Variants in PDE3A observed in about 807,000 individuals in gnomAD.
PDE3A encodes the protein cGMP-inhibited 3',5'-cyclic phosphodiesterase 3A.
Under a neutral mutation model 98.3 loss-of-function variants are expected in PDE3A, and 43 were observed. That is an observed-to-expected ratio of 0.44 (90% CI 0.34 to 0.56). The LOEUF is 0.56. Ranked by LOEUF, PDE3A falls within the 20% of genes least tolerant of loss-of-function variation. The probability of loss-of-function intolerance (pLI) is 0.01; values close to 1 mark genes in which losing one functional copy is unlikely to be tolerated. For missense variants in PDE3A, 1,427 were observed against 1,440.7 expected (o/e 0.99, Z 0.15); for synonymous variants, 663 against 567.9 (o/e 1.17, Z -2.38).
intron 1 of PDE3A, among the ~76,000 whole-genome samples, chr12:20,477,823 C>T (rs918780685): frequency 6.6e-6 from 1 of 152,128 alleles, no homozygotes; most frequent in African/African-American, 2.4e-5. Flanking sequence ...AACCTGGCCT[C>T]GTAGCCCATG....
intron 1 of PDE3A, among the ~76,000 whole-genome samples, chr12:20,400,312 A>C (rs991765098): frequency 1.4e-4 from 21 of 150,424 alleles, no homozygotes; most frequent in Non-Finnish European, 2.5e-4. Flanking sequence ...ACAGCCAGAC[A>C]CTGATGAGGG....
intron 1 of PDE3A, among the ~76,000 whole-genome samples, chr12:20,462,251 G>T (rs1242996551): frequency 6.6e-6 from 1 of 152,158 alleles, no homozygotes; most frequent in Non-Finnish European, 1.5e-5. Context: ...AGCACTTTGG[G>T]AGGCTAAGAT....
chr12:20,429,361 A>G (rs1174119857), intron 1 of PDE3A, among the ~76,000 whole-genome samples: 1 of 151,976 alleles, frequency 6.6e-6, no homozygotes. Flanking sequence ...GTGTTTTCTT[A>G]TTATTAACCC....
chr12:20,384,185 T>G (rs1361055570), intron 1 of PDE3A, among the ~76,000 whole-genome samples: 2 of 19,924 alleles, frequency 1.0e-4, no homozygotes, highest in Admixed American at 6.2e-4. Context: ...TGGGTTGACA[T>G]TTTTTTTTTT....
chr12:20,579,400 T>C (rs1449004804), intron 2 of PDE3A, among the ~76,000 whole-genome samples: 2 of 8,656 alleles, frequency 2.3e-4, no homozygotes, highest in Non-Finnish European at 3.6e-4. Context: ...TCTGTTCCCT[T>C]TTTTTTTTAT....
rs146659677 is a variant in PDE3A at position 20,630,080 on chromosome 12, C to A, written c.1713C>A (p.Ala571=). 6.2e-7 allele frequency: 1 copy of A among 1,613,680 alleles called. No homozygotes were observed. Among genetic ancestry groups the A allele is most frequent in the East Asian group, 2.2e-5 (1 of 44,874 alleles). The change falls in exon 6 of 16, where the codon GCC becomes GCA. Residue 571 remains alanine (A), a synonymous_variant. Coordinates refer to ENST00000359062, the MANE Select transcript of PDE3A (RefSeq NM_000921.5). ...GGGCCTTAACTTACACTCAGAGTGC[C>A]CCAGACCTATCCCCTCAAATCCTGA... ...SHRALTYTQS[A]PDLSPQILTP...
chr12:20,600,492 G>C (rs61037122), intron 2 of PDE3A, among the ~76,000 whole-genome samples: 27 of 152,068 alleles, frequency 1.8e-4, no homozygotes. Context: ...GACCTCTCCA[G>C]TGTCAACCTT....
intron 1 of PDE3A, among the ~76,000 whole-genome samples, chr12:20,429,985 A>G (rs1189281060): frequency 2.0e-5 from 3 of 152,080 alleles, no homozygotes; most frequent in Non-Finnish European, 2.9e-5. Flanking sequence ...TTCTTTGTGT[A>G]TGTTTTCAAA....
chr12:20,449,947 G>A (rs1021189289), intron 1 of PDE3A: 4 of 786,524 alleles, frequency 5.1e-6, no homozygotes, highest in Admixed American at 2.4e-5. Context: ...GATTCTGAAG[G>A]CCCCCTTATA....
At chr12:20,423,546 G>A (rs975996507) in intron 1 of PDE3A, among the ~76,000 whole-genome samples, 1 of 152,194 alleles carries the variant, frequency 6.6e-6, no homozygotes, top group Non-Finnish European at 1.5e-5. Flanking sequence ...GACAAACAAA[G>A]GTGTTCCTTC....
At chr12:20,410,394 A>G (rs545810019) in intron 1 of PDE3A, among the ~76,000 whole-genome samples, 2 of 152,314 alleles carry the variant, frequency 1.3e-5, no homozygotes, top group Admixed American at 6.5e-5. Context: ...GAGAAAGTCA[A>G]TTCACAGAGA....
At chr12:20,372,228 T>C (rs1943488314) in intron 1 of PDE3A, among the ~76,000 whole-genome samples, 1 of 152,174 alleles carries the variant, frequency 6.6e-6, no homozygotes, top group Non-Finnish European at 1.5e-5. Context: ...TTTTGCTGAT[T>C]AATGCTGTTG....
intron 2 of PDE3A, among the ~76,000 whole-genome samples, chr12:20,603,092 A>G (rs1480875930): frequency 6.6e-6 from 1 of 152,216 alleles, no homozygotes; most frequent in Non-Finnish European, 1.5e-5. Flanking sequence ...GAGATGTAGG[A>G]GGAGACAGCT....
intron 1 of PDE3A, among the ~76,000 whole-genome samples, chr12:20,500,660 T>A (rs1946006316): frequency 6.6e-6 from 1 of 152,152 alleles, no homozygotes; most frequent in Admixed American, 6.5e-5. Context: ...TTTAATCAAA[T>A]ATGTTCCTCA....
At position 20,687,228 on chromosome 12, in the gene PDE3A, T is replaced by C. The variant is rs1428473556; in HGVS notation, c.*6957T>C. Among the ~76,000 whole-genome samples the C allele has an allele frequency of 2.6e-5, 4 of 152,138 alleles. No homozygotes were observed. The highest frequency in any genetic ancestry group is 9.6e-5 in the African/African-American group (4 of 41,470). On this transcript the variant is annotated 3_prime_UTR_variant, in exon 16 of 16. Transcript: ENST00000359062. ...AAGTGTTGGTTCATAGCAGTTTCCT[T>C]GTCCCTTTTCTTTTTAAAATTCCCA...
intron 2 of PDE3A, among the ~76,000 whole-genome samples, chr12:20,566,264 C>T (rs1280348574): frequency 6.6e-6 from 1 of 151,252 alleles, no homozygotes; most frequent in Non-Finnish European, 1.5e-5. Flanking sequence ...TCTTGGAAAA[C>T]TCTTAAGTGT....
chr12:20,558,841 A>G (rs1367564221), intron 2 of PDE3A, among the ~76,000 whole-genome samples: 11 of 152,128 alleles, frequency 7.2e-5, no homozygotes, highest in Admixed American at 7.2e-4. Flanking sequence ...GCACTTGAAC[A>G]CAGACCTCTT....
chr12:20,599,781 T>C (rs929764079), intron 2 of PDE3A, among the ~76,000 whole-genome samples: 1 of 152,180 alleles, frequency 6.6e-6, no homozygotes, highest in Non-Finnish European at 1.5e-5. Flanking sequence ...TATCTTCCAT[T>C]TTACAGCCAG....
chr12:20,572,578 C>A (rs1263185777), intron 2 of PDE3A, among the ~76,000 whole-genome samples: 1 of 151,978 alleles, frequency 6.6e-6, no homozygotes, highest in South Asian at 2.1e-4. Context: ...CAATGTCCAT[C>A]CTTCTGCATT....
Sources: allele counts gnomAD v4.1 joint callset (sites outside exome capture counted in the v4.1 genomes callset), GRCh38; gene constraint gnomAD v4.1.1; transcripts MANE v1.5; gene names NCBI Gene and HGNC (gene_info 2026-07-23, HGNC 2026-07-21).